ZNF700: variants seen among roughly 807,000 people sequenced by gnomAD.
The protein encoded by ZNF700 is zinc finger protein 700.
Under a neutral mutation model 65.3 loss-of-function variants are expected in ZNF700, and 38 were observed. The ratio of observed to expected loss-of-function variants is 0.58; its 90% CI spans 0.45 to 0.76. The LOEUF (loss-of-function observed/expected upper bound fraction) is 0.76. Among genes scored for constraint, ZNF700 ranks in the 30% least tolerant of loss-of-function variants. The pLI is 0.00. For synonymous variants in ZNF700, 285 were observed against 290.4 expected (o/e 0.98, Z 0.19); for missense variants, 857 against 888.4 (o/e 0.96, Z 0.45).
Position 11,949,781 on chromosome 19 carries a change from A to G in ZNF700, c.1757A>G (p.His586Arg). 1 of 1,613,434 alleles carries G rather than the reference A, an allele frequency of 6.2e-7. No individual in the cohort carries two copies. The highest frequency in any genetic ancestry group is 8.5e-7 in the Non-Finnish European group (1 of 1,179,818). The change falls in exon 4 of 4, where the codon CAC becomes CGC. Residue 586 changes from histidine (H) to arginine (R), a missense_variant. Coordinates refer to ENST00000254321, the MANE Select transcript of ZNF700 (RefSeq NM_144566.3). ...CACCTTCGAATGCATGAAAGGACTC[A>G]CACTGGAGAGAAACCCTATGAGTGT... ...ASHLRMHERT[H>R]TGEKPYECKQ...
intron 1 of ZNF700, among the ~76,000 whole-genome samples, chr19:11,943,505 C>T (rs769333244): frequency 2.0e-5 from 3 of 152,018 alleles, no homozygotes; most frequent in Non-Finnish European, 4.4e-5. Context: ...TCTGTTTTAG[C>T]TATTTTTTTT....
chr19:11,949,973 G>A lies in ZNF700; in HGVS notation c.1949G>A (p.Cys650Tyr), dbSNP rs1036693876. 6.2e-7 allele frequency: 1 copy of A among 1,614,116 alleles called. No homozygotes were observed. Among genetic ancestry groups the A allele is most frequent in the East Asian group, 2.2e-5 (1 of 44,870 alleles). ...CACACTGGAGAGAAACCCTATGAAT[G>A]TAAGGAATGCGAAAAAGCATTCTGT... Reference protein sequence around the residue: ...RTHTGEKPYECKECEKAFCKF... With the variant: ...RTHTGEKPYEYKECEKAFCKF... The change falls in exon 4 of 4, where the codon TGT becomes TAT. Residue 650 changes from cysteine (C) to tyrosine (Y), a missense_variant. Around this residue, in one of 3 missense-constraint regions of ZNF700, gnomAD observed 251 missense variants for 250.3 expected, o/e 1.00. Transcript: ENST00000254321.
chr19:11,947,539 T>C lies in ZNF700; in HGVS notation c.216T>C (p.Ile72=), dbSNP rs749316427. 6.2e-7 allele frequency: 1 copy of C among 1,613,652 alleles called. No homozygotes were observed. The highest frequency in any genetic ancestry group is 1.1e-5 in the South Asian group (1 of 90,822). ...SIGKKWSDQN[I]EYEYQNPRRS... ...GAAAAAAATGGAGTGACCAGAACAT[T>C]GAATATGAGTACCAAAACCCCAGAA... is the stretch of plus-strand genomic sequence containing the variant. Residue 72 remains isoleucine, a synonymous_variant, in exon 3 of 4, where the codon ATT becomes ATC. Transcript: ENST00000254321.
In ZNF700 at chr19:11,950,353, T is replaced by A; in HGVS notation, c.*100T>A. The A allele has an allele frequency of 8.3e-7, 1 of 1,203,378 alleles. No individual in the cohort carries two copies. Among genetic ancestry groups the A allele is most frequent in the Non-Finnish European group, 1.2e-6 (1 of 844,064 alleles). 74.5% of individuals were successfully genotyped at this position (1,203,378 alleles called of 1,614,324 possible). ...TTTCACATTTTCCAGTTCTTTTCGA[T>A]ATCATGAAAGGACTCACACTGGGGA... On this transcript the variant is annotated 3_prime_UTR_variant, in exon 4 of 4. Coordinates refer to ENST00000254321, the MANE Select transcript of ZNF700 (RefSeq NM_144566.3).
At chr19:11,947,449 G>T in intron 2 of ZNF700, 65 bp from the exon 3 acceptor site, 7 of 1,601,738 alleles carry the variant, frequency 4.4e-6, no homozygotes, top group Non-Finnish European at 6.0e-6. Flanking sequence ...CATGGGCACA[G>T]AATCTAATAA....
At chr19:11,948,247 C>T in intron 3 of ZNF700, 29 bp from the exon 4 acceptor site, 1 of 1,602,408 alleles carries the variant, frequency 6.2e-7, no homozygotes, top group Non-Finnish European at 8.5e-7. Flanking sequence ...TAAACAAACC[C>T]TTCATGATGT....
At chr19:11,945,691 C>T (rs912171513) in intron 1 of ZNF700, among the ~76,000 whole-genome samples, 2 of 151,996 alleles carry the variant, frequency 1.3e-5, no homozygotes, top group South Asian at 2.1e-4. Context: ...TGACCTGGCT[C>T]GGTTAAGAAA....
chr19:11,950,441 A>C lies in ZNF700; in HGVS notation c.*188A>C, dbSNP rs1599297231. On this transcript the variant is annotated 3_prime_UTR_variant, in exon 4 of 4. Transcript: ENST00000254321. ...ATTCCTTTTACTTCTTTTCAATGTC[A>C]TGAAAGGACTCACACGGGAGAGAAA... 1.4e-6 allele frequency: 1 copy of C among 736,748 alleles called. No homozygotes were observed. The highest frequency in any genetic ancestry group is 1.8e-5 in the African/African-American group (1 of 56,842). 45.6% of individuals were successfully genotyped at this position (736,748 alleles called of 1,614,324 possible).
rs377605911 is a variant in ZNF700, at chr19:11,938,796, A to G, written c.64-8385A>G. On this transcript the variant is annotated intron_variant, in intron 1 of 3. Coordinates refer to ENST00000254321, the MANE Select transcript of ZNF700 (RefSeq NM_144566.3). Reference sequence around the variant, plus strand: ...TCTAGTTCTAGATCCTTGAGGAATCACCACACTGTCTTCCACAATGGTTGA... The same window carrying G: ...TCTAGTTCTAGATCCTTGAGGAATCGCCACACTGTCTTCCACAATGGTTGA... 4.9e-4 allele frequency among the ~76,000 whole-genome samples: 74 copies of G among 151,924 alleles called. No individual in the cohort carries two copies. The East Asian group carries it at 0.014, about 28-fold the overall frequency.
intron 1 of ZNF700, among the ~76,000 whole-genome samples, chr19:11,929,983 C>T (rs1324831827): frequency 6.8e-6 from 1 of 148,142 alleles, no homozygotes; most frequent in Non-Finnish European, 1.5e-5. Flanking sequence ...CCTATCTTTT[C>T]CAGATTTTGA....
At chr19:11,941,568 C>T (rs931875702) in intron 1 of ZNF700, among the ~76,000 whole-genome samples, 1 of 152,224 alleles carries the variant, frequency 6.6e-6, no homozygotes, top group Non-Finnish European at 1.5e-5. Flanking sequence ...CCAGGGCCAG[C>T]AGGGTCGGCC....
chr19:11,945,741 A>G (rs1450451166), intron 1 of ZNF700, among the ~76,000 whole-genome samples: 1 of 152,078 alleles, frequency 6.6e-6, no homozygotes, highest in Non-Finnish European at 1.5e-5. Context: ...AAGGGCCATG[A>G]TGACTCCCTT....
chr19:11,947,582 G>T lies in ZNF700; in HGVS notation c.251+8G>T, dbSNP rs1162081977. ...CCCCAGAAGAAGCTTCAGGTAATTTGCATTTCCAAGAGAAAGCAGTGTCTC... is the reference window on the plus strand; with the variant it reads ...CCCCAGAAGAAGCTTCAGGTAATTTTCATTTCCAAGAGAAAGCAGTGTCTC... On this transcript the variant is annotated splice_region_variant and intron_variant, in intron 3 of 3. Coordinates refer to ENST00000254321, the MANE Select transcript of ZNF700 (RefSeq NM_144566.3). 1 of 1,612,464 alleles carries T rather than the reference G, an allele frequency of 6.2e-7. No individual in the cohort carries two copies. The highest frequency in any genetic ancestry group is 1.7e-5 in the Admixed American group (1 of 59,802).
chr19:11,935,138 T>A lies in ZNF700; in HGVS notation c.63+9865T>A, dbSNP rs1972772892. On this transcript the variant is annotated intron_variant, in intron 1 of 3. Transcript: ENST00000254321. ...TTGCAGTGGGCCGAGATGGCACCACTGCACTCCAGCCTGGGCGACAGAGCG... is the reference window on the plus strand; with the variant it reads ...TTGCAGTGGGCCGAGATGGCACCACAGCACTCCAGCCTGGGCGACAGAGCG... Among the ~76,000 whole-genome samples, 4 of 129,666 alleles carry A rather than the reference T, an allele frequency of 3.1e-5. No homozygotes were observed. The South Asian group carries it at 9.9e-4, about 32-fold the overall frequency. 85.1% of individuals were successfully genotyped at this position (129,666 alleles called of 152,430 possible). A position where few individuals can be genotyped will look rare whatever the true frequency, so the allele number is the denominator to read the frequency against.
intron 1 of ZNF700, among the ~76,000 whole-genome samples, chr19:11,926,198 G>T (rs906987291): frequency 6.6e-6 from 1 of 152,114 alleles, no homozygotes; most frequent in Non-Finnish European, 1.5e-5. Context: ...GTGGCCTTAG[G>T]TTTTGTTTGT....
At chr19:11,938,014 A>T (rs1285674304) in intron 1 of ZNF700, among the ~76,000 whole-genome samples, 2 of 152,172 alleles carry the variant, frequency 1.3e-5, no homozygotes, top group Non-Finnish European at 2.9e-5. Context: ...AACACTACTC[A>T]TAAATGGGCT....
intron 1 of ZNF700, among the ~76,000 whole-genome samples, chr19:11,936,681 T>G (rs1972801205): frequency 6.6e-6 from 1 of 152,208 alleles, no homozygotes; most frequent in African/African-American, 2.4e-5. Flanking sequence ...GTGCAGAAGC[T>G]CTTTAGTTTA....
chr19:11,942,274 C>T (rs1369701736), intron 1 of ZNF700, among the ~76,000 whole-genome samples: 1 of 151,478 alleles, frequency 6.6e-6, no homozygotes, highest in Non-Finnish European at 1.5e-5. Context: ...TCTGCCTTCT[C>T]TAACAATGTC....
chr19:11,934,906 T>C lies in ZNF700; in HGVS notation c.63+9633T>C, dbSNP rs532061584. Among the ~76,000 whole-genome samples the C allele has an allele frequency of 1.4e-4, 20 of 146,216 alleles. 1 individual carries two copies. Among genetic ancestry groups the C allele is most frequent in the South Asian group, 2.2e-4 (1 of 4,630 alleles). On this transcript the variant is annotated intron_variant, in intron 1 of 3. Coordinates refer to ENST00000254321, the MANE Select transcript of ZNF700 (RefSeq NM_144566.3). ...GCCATAATTACAGTCTTTGGTCGGG[T>C]GCGGTGGCTCACGCCTGTAATCCCA...
Sources: allele counts gnomAD v4.1 joint callset (sites outside exome capture counted in the v4.1 genomes callset), GRCh38; gene constraint gnomAD v4.1.1; regional missense constraint gnomAD v4.1.1; transcripts MANE v1.5; gene names NCBI Gene and HGNC (gene_info 2026-07-23, HGNC 2026-07-21).